ARHGAP27: variants seen among roughly 807,000 people sequenced by gnomAD.
ARHGAP27 encodes the protein Rho GTPase activating protein 27, also known as rho GTPase-activating protein 27.
Under a neutral mutation model 102.0 loss-of-function variants are expected in ARHGAP27, and 53 were observed. The ratio of observed to expected loss-of-function variants is 0.52; its 90% CI spans 0.42 to 0.65. ARHGAP27 has a LOEUF of 0.65. ARHGAP27 is among the 30% of genes least tolerant of loss of function. The pLI is 0.00. For missense variants in ARHGAP27, 1,117 were observed against 1,256.2 expected, an observed-to-expected ratio of 0.89 and a Z score of 1.68; for synonymous variants, 525 against 542.8, an observed-to-expected ratio of 0.97 and a Z score of 0.46.
intron 4 of ARHGAP27, among the ~76,000 whole-genome samples, chr17:45,423,730 G>A (rs764332969): frequency 6.6e-6 from 1 of 152,180 alleles, no homozygotes; most frequent in Non-Finnish European, 1.5e-5. Context: ...CTAGCCCCCA[G>A]TACAGCGGCT....
chr17:45,404,061 G>A lies in ARHGAP27; in HGVS notation c.1515C>T (p.Arg505=), dbSNP rs760706986. 3.3e-5 allele frequency: 54 copies of A among 1,614,034 alleles called. No individual in the cohort carries two copies. The highest frequency in any genetic ancestry group is 4.5e-5 in the Non-Finnish European group (53 of 1,180,044). ...GCTTTCCCTTGTCTGCCGTCTTGGT[G>A]CGATGGAGCACCCCTGCCTTGTCCA... ...KTLDKAGVLH[R]TKTADKGKRL... is the part of the protein sequence containing the mutation. Residue 505 remains arginine, a synonymous_variant, in exon 10 of 20, where the codon CGC becomes CGT. Coordinates refer to ENST00000685559, the MANE Select transcript of ARHGAP27 (RefSeq NM_001282290.2).
chr17:45,429,635 C>A lies in ARHGAP27; in HGVS notation c.645G>T (p.Glu215Asp), dbSNP rs1275965227. ...CCCGGGGAGGTACCTGCTCTGCGCT[C>A]TCCTCCGGCGGCGGGACGTGCAAGT... Reference protein sequence around the residue: ...IQDLHVPPPEESAEQVDDPPE... With the variant: ...IQDLHVPPPEDSAEQVDDPPE... Residue 215 changes from glutamate (E) to aspartate (D), a missense_variant, in exon 4 of 20, where the codon GAG (glutamate) becomes GAT (aspartate). Around this residue, in one of 3 missense-constraint regions of ARHGAP27, gnomAD observed 610 missense variants for 716.4 expected, o/e 0.85. Transcript: ENST00000685559. 4.4e-6 allele frequency: 7 copies of A among 1,583,330 alleles called. No homozygotes were observed. The highest frequency in any genetic ancestry group is 6.0e-6 in the Non-Finnish European group (7 of 1,164,698).
chr17:45,404,462 T>C lies in ARHGAP27; in HGVS notation c.1396A>G (p.Ser466Gly). The C allele has an allele frequency of 6.2e-7, 1 of 1,614,012 alleles. No homozygotes were observed. The highest frequency in any genetic ancestry group is 1.3e-5 in the African/African-American group (1 of 75,030). ...SQDGDTPAQA[S>G]PPEEKVPAEL... ...TCCCCTACCTTCTCCTCTGGAGGGC[T>C]GGCCTGGGCTGGGGTGTCACCATCC... The change falls in exon 8 of 20, where the codon AGC (serine) becomes GGC (glycine). Residue 466 changes from serine to glycine, a missense_variant. Around this residue, in one of 3 missense-constraint regions of ARHGAP27, gnomAD observed 610 missense variants for 716.4 expected, o/e 0.85. Coordinates refer to ENST00000685559, the MANE Select transcript of ARHGAP27 (RefSeq NM_001282290.2).
At chr17:45,397,196 G>C in intron 13 of ARHGAP27, 172 bp from the exon 14 acceptor site, 1 of 1,435,056 alleles carries the variant, frequency 7.0e-7, no homozygotes, top group Non-Finnish European at 9.1e-7. Flanking sequence ...CAGTGAGCCT[G>C]AGAACATTCA....
At chr17:45,398,074 T>C (rs370084044) in intron 12 of ARHGAP27, 27 bp from the exon 13 acceptor site, 86 of 1,576,576 alleles carry the variant, frequency 5.5e-5, no homozygotes, top group Middle Eastern at 3.4e-4. Context: ...CAGTGGGTCA[T>C]CTCTGGTACC....
intron 4 of ARHGAP27, among the ~76,000 whole-genome samples, chr17:45,426,578 C>T (rs2049622543): frequency 1.3e-5 from 2 of 152,008 alleles, no homozygotes; most frequent in South Asian, 4.1e-4. Flanking sequence ...TCCCCAGTGC[C>T]CCCGTGCCAT....
chr17:45,396,720 G>C lies in ARHGAP27; in HGVS notation c.2022C>G (p.Phe674Leu). 1 of 1,613,860 alleles carries C rather than the reference G, an allele frequency of 6.2e-7. No homozygotes were observed. The highest frequency in any genetic ancestry group is 2.2e-5 in the East Asian group (1 of 44,868). ...ACTGCAGTGTGGGCCGCCTCTGGAG[G>C]AACTTGCGGAGCTTGTGCCGGACCT... ...LSKVRHKLRK[F>L]LQRRPTLQSL... The change falls in exon 15 of 20, where the codon TTC becomes TTG. Residue 674 changes from phenylalanine to leucine, a missense_variant. This residue lies in a region of ARHGAP27 where 493 missense variants were observed against 505.5 expected (regional missense o/e 0.98). Coordinates refer to ENST00000685559, the MANE Select transcript of ARHGAP27 (RefSeq NM_001282290.2).
Position 45,429,371 on chromosome 17 carries a change from G to A in ARHGAP27, c.657+252C>T, listed in dbSNP as rs530488243. On this transcript the variant is annotated intron_variant, in intron 4 of 19. Coordinates refer to ENST00000685559, the MANE Select transcript of ARHGAP27 (RefSeq NM_001282290.2). ...CTCACATCAGTTCAAGCGCAATTTT[G>A]CCACCAATTGGATTACGAAAAGCCT... 51 of 1,319,468 alleles carry A rather than the reference G, an allele frequency of 3.9e-5. 2 individuals carry two copies. The South Asian group carries it at 7.6e-4, about 20-fold the overall frequency. The allele number at this position is 1,319,468 out of a possible 1,614,324, so 81.7% of individuals were successfully genotyped here.
intron 4 of ARHGAP27, chr17:45,410,476 T>C: frequency 1.0e-6 from 1 of 1,003,602 alleles, no homozygotes; most frequent in Admixed American, 3.8e-5. Context: ...GCGGGTGGGG[T>C]GGAGGGGCCT....
In ARHGAP27 at chr17:45,404,990, G is replaced by C. The variant is rs772767983; in HGVS notation, c.1182C>G (p.Pro394=). 6.2e-7 allele frequency: 1 copy of C among 1,614,002 alleles called. No individual in the cohort carries two copies. Among genetic ancestry groups the C allele is most frequent in the South Asian group, 1.1e-5 (1 of 91,068 alleles). ...PGPTSPLTTP[P]GWSCHVSQDK... ...CCTGGCTGACATGACAAGACCAGCC[G>C]GGGGGTGTGGTCAAGGGAGAGGTAG... Residue 394 remains proline, a synonymous_variant, in exon 6 of 20, where the codon CCC becomes CCG. Transcript: ENST00000685559.
chr17:45,426,634 T>C (rs1162921207), intron 4 of ARHGAP27, among the ~76,000 whole-genome samples: 1 of 151,344 alleles, frequency 6.6e-6, no homozygotes, highest in African/African-American at 2.4e-5. Context: ...CACTTTCTTC[T>C]GAGATCCCTT....
chr17:45,410,169 C>T (rs902901310), intron 4 of ARHGAP27: 1 of 1,518,626 alleles, frequency 6.6e-7, no homozygotes, highest in African/African-American at 1.4e-5. Flanking sequence ...CCAGCTCACC[C>T]AGCTCCTAAC....
At chr17:45,410,103 G>A (rs938247838) in intron 4 of ARHGAP27, 200 of 1,206,448 alleles carry the variant, frequency 1.7e-4, no homozygotes, top group Admixed American at 4.3e-4. Context: ...CCTCCGAGAA[G>A]GAAAGAGAAA....
intron 12 of ARHGAP27, among the ~76,000 whole-genome samples, chr17:45,399,146 C>T (rs538768522): frequency 6.6e-6 from 1 of 152,340 alleles, no homozygotes; most frequent in East Asian, 1.9e-4. Context: ...TGTTTGGCGG[C>T]AACAGCTCAC....
At position 45,395,475 on chromosome 17, in the gene ARHGAP27, T is replaced by G; in HGVS notation, c.2651A>C (p.Asp884Ala). 1 of 1,566,378 alleles carries G rather than the reference T, an allele frequency of 6.4e-7. No homozygotes were observed. Among genetic ancestry groups the G allele is most frequent in the Non-Finnish European group, 8.7e-7 (1 of 1,154,872 alleles). ...VVELILQQCA[D>A]IFPPH Reference sequence around the variant, plus strand: ...CAGCAGTCAGTGCGGCGGGAAGATGTCCGCGCACTGCTGCAGGATGAGCTC... The same window carrying G: ...CAGCAGTCAGTGCGGCGGGAAGATGGCCGCGCACTGCTGCAGGATGAGCTC... Residue 884 changes from aspartate (D) to alanine (A), a missense_variant, in exon 20 of 20, where the codon GAC (aspartate) becomes GCC (alanine). Transcript: ENST00000685559.
rs1230896997 is a variant in ARHGAP27 at position 45,398,055 on chromosome 17, G to A, written c.1744-8C>T. The A allele has an allele frequency of 6.9e-6, 11 of 1,598,158 alleles. No individual in the cohort carries two copies. The highest frequency in any genetic ancestry group is 8.6e-6 in the Non-Finnish European group (10 of 1,168,290). On this transcript the variant is annotated splice_polypyrimidine_tract_variant and splice_region_variant and intron_variant, in intron 12 of 19. Transcript: ENST00000685559. ...GCCATCTCGGCTCCGTAGCTGGAGG[G>A]ACACAAGTCAGTGGGTCATCTCTGG...
intron 2 of ARHGAP27, 123 bp downstream of exon 2, chr17:45,432,093 G>A: frequency 4.0e-6 from 1 of 251,696 alleles, no homozygotes. Context: ...GCCGGGCTGG[G>A]GCTGGTTGTC....
chr17:45,405,708 C>G lies in ARHGAP27; in HGVS notation c.1033G>C (p.Gly345Arg). ...TCCCCTGGGCTGCCAGGGCTCAGGC[C>G]CGGCTGCATCTCCAACTCCTCCTCG... ...EPEEELEMQP[G>R]LSPGSPGDPR... The change falls in exon 5 of 20, where the codon GGC becomes CGC. Residue 345 changes from glycine to arginine, a missense_variant. Transcript: ENST00000685559. 6.2e-7 allele frequency: 1 copy of G among 1,602,848 alleles called. No individual in the cohort carries two copies. Among genetic ancestry groups the G allele is most frequent in the Non-Finnish European group, 8.5e-7 (1 of 1,178,758 alleles).
intron 4 of ARHGAP27, chr17:45,409,563 T>C (rs964328507): frequency 6.6e-6 from 1 of 152,144 alleles, no homozygotes; most frequent in African/African-American, 2.4e-5. Context: ...CTGAGCAGAG[T>C]CTACTCCCTG....
Sources: allele counts gnomAD v4.1 joint callset (sites outside exome capture counted in the v4.1 genomes callset), GRCh38; gene constraint gnomAD v4.1.1; regional missense constraint gnomAD v4.1.1; transcripts MANE v1.5; gene names NCBI Gene and HGNC (gene_info 2026-07-23, HGNC 2026-07-21).